EIF2D: variants seen among roughly 807,000 people sequenced by gnomAD.
The protein encoded by EIF2D is hepatocellular carcinoma-associated antigen 56.
A neutral mutation model predicts 77.4 loss-of-function variants in EIF2D; 56 were observed. The ratio of observed to expected loss-of-function variants is 0.72; its 90% CI spans 0.58 to 0.90. The LOEUF (loss-of-function observed/expected upper bound fraction) is 0.90, where lower values mean the gene tolerates loss of function less well. Ranked by LOEUF, EIF2D falls within the 40% of genes least tolerant of loss-of-function variation. The pLI is 0.00. For missense variants in EIF2D, 574 were observed against 706.5 expected (o/e 0.81, Z 2.13); for synonymous variants, 230 against 271.0 (o/e 0.85, Z 1.49).
At position 206,599,016 on chromosome 1, in the gene EIF2D, C is replaced by T. The variant is rs1669788830; in HGVS notation, c.1279G>A (p.Ala427Thr). 1 of 1,614,150 alleles carries T rather than the reference C, an allele frequency of 6.2e-7. No individual in the cohort carries two copies. The highest frequency in any genetic ancestry group is 8.5e-7 in the Non-Finnish European group (1 of 1,179,998). Residue 427 changes from alanine (A) to threonine (T), a missense_variant, in exon 11 of 15, where the codon GCA becomes ACA. Ala to Thr is a moderately conservative substitution (Grantham distance 58). Transcript: ENST00000271764. The surrounding 1 kb of genome is among the most constrained non-coding windows in gnomAD (Gnocchi z 4.1). ...TCATGCACTCACTTTTTGTTGTCTG[C>T]ATCAACCAGGTCATTTTTCTTGGCG... Reference protein sequence around the residue: ...NYAKKNDLVDADNKNLVRLDP... With the variant: ...NYAKKNDLVDTDNKNLVRLDP...
At chr1:206,605,947 T>C (rs1287922289) in intron 4 of EIF2D, among the ~76,000 whole-genome samples, 4 of 152,132 alleles carry the variant, frequency 2.6e-5, no homozygotes, top group Non-Finnish European at 5.9e-5. Flanking sequence ...AGGGATGCCA[T>C]AGGGAAGAGA....
chr1:206,608,195 A>C, intron 4 of EIF2D, 41 bp downstream of exon 4: 1 of 1,576,800 alleles, frequency 6.3e-7, no homozygotes, highest in East Asian at 2.3e-5. Context: ...TCTCTTTTAC[A>C]CAAGTTTTTC....
intron 2 of EIF2D, chr1:206,586,051 T>G (rs1669098370): frequency 6.6e-6 from 1 of 152,286 alleles, no homozygotes; most frequent in Admixed American, 6.5e-5. Flanking sequence ...CACTTTGAAG[T>G]GTGGAGACCT....
At chr1:206,576,511 G>A (rs1179574141) in intron 4 of EIF2D, among the ~76,000 whole-genome samples, 1 of 152,192 alleles carries the variant, frequency 6.6e-6, no homozygotes, top group Non-Finnish European at 1.5e-5. Flanking sequence ...AAGTTACAAA[G>A]GCCCATTAAC....
rs1553411828 is a variant in EIF2D, at chr1:206,603,180, T to A, written c.555A>T (p.Pro185=). The change falls in exon 6 of 15, where the codon CCA becomes CCT. Residue 185 remains proline (P), a synonymous_variant. Coordinates refer to ENST00000271764, the MANE Select transcript of EIF2D (RefSeq NM_006893.3). ...CCAGGGCCAGTGGAGCAATGGAAGG[T>A]GGAGAGGACTTGTTTCCAGACCGCC... ...HLWRSGNKSS[P]PSIAPLALDS... is the part of the protein sequence containing the mutation. 6.2e-7 allele frequency: 1 copy of A among 1,613,842 alleles called. No individual in the cohort carries two copies.
At chr1:206,577,542 C>T (rs1308031419) in intron 4 of EIF2D, among the ~76,000 whole-genome samples, 4 of 152,214 alleles carry the variant, frequency 2.6e-5, no homozygotes, top group Non-Finnish European at 5.9e-5. Context: ...ATCTGACTTT[C>T]TCAAGATCAT....
At position 206,591,648 on chromosome 1, in the gene EIF2D, T is replaced by A; in HGVS notation, c.*127A>T. The A allele has an allele frequency of 1.1e-6, 1 of 876,804 alleles. No homozygotes were observed. Among genetic ancestry groups the A allele is most frequent in the Non-Finnish European group, 1.8e-6 (1 of 561,084 alleles). 54.3% of individuals were successfully genotyped at this position (876,804 alleles called of 1,614,324 possible). A position where few individuals can be genotyped will look rare whatever the true frequency, so the allele number is the denominator to read the frequency against. ...AAACAAGAGGGAAGTCAGATTTAGA[T>A]TAGAATAAAAATTTATTTTTGTAAA... On this transcript the variant is annotated 3_prime_UTR_variant, in exon 15 of 15. Transcript: ENST00000271764.
intron 5 of EIF2D, chr1:206,571,585 G>GTA (rs1558517459): frequency 6.6e-6 from 1 of 152,134 alleles, no homozygotes; most frequent in Admixed American, 6.5e-5. Context: ...TAACACTAAC[G>GTA]TACAGAGAGT....
chr1:206,593,068 G>A (rs1323662711), intron 14 of EIF2D, among the ~76,000 whole-genome samples: 2 of 151,330 alleles, frequency 1.3e-5, no homozygotes, highest in African/African-American at 2.4e-5. Flanking sequence ...CCAAGATTGC[G>A]CCACTGCACT....
At chr1:206,597,269 T>G in intron 11 of EIF2D, 74 bp from the exon 12 acceptor site, 5 of 1,122,060 alleles carry the variant, frequency 4.5e-6, no homozygotes, top group Non-Finnish European at 6.7e-6. Context: ...TCAGGATTCA[T>G]CTCTCGTACG....
chr1:206,599,143 A>G lies in EIF2D; in HGVS notation c.1203-51T>C, dbSNP rs782318000. 6.4e-7 allele frequency: 1 copy of G among 1,553,040 alleles called. No homozygotes were observed. The highest frequency in any genetic ancestry group is 1.4e-5 in the African/African-American group (1 of 73,640). On this transcript the variant is annotated intron_variant, in intron 10 of 14. Coordinates refer to ENST00000271764, the MANE Select transcript of EIF2D (RefSeq NM_006893.3). This position sits in a 1 kb window ranked among gnomAD's most constrained non-coding sequence, Gnocchi z 4.1. ...GTTAGTTCATGCTGTGCCATGAGAC[A>G]AAAATGCAGATGCCCAGACTCACTC...
chr1:206,598,624 TG>T (rs1421001793), intron 11 of EIF2D, among the ~76,000 whole-genome samples: 2 of 86,062 alleles, frequency 2.3e-5, no homozygotes, highest in African/African-American at 1.2e-4. Flanking sequence ...ACTCTGTGCA[TG>T]TAACAAAATA....
chr1:206,585,288 A>C lies in EIF2D; in HGVS notation c.139-4126T>G, dbSNP rs1253444123. ...GTGCTAAAGGAGAATGAAACTGGAG[A>C]GGTAGAGGTAGGTCTGGACCCATTG... On this transcript the variant is annotated intron_variant and NMD_transcript_variant, in intron 2 of 5. Coordinates refer to the EIF2D transcript ENST00000472709. 8.1e-6 allele frequency: 13 copies of C among 1,613,264 alleles called. No individual in the cohort carries two copies. The highest frequency in any genetic ancestry group is 1.6e-4 in the Middle Eastern group (1 of 6,062).
chr1:206,571,001 A>G (rs1668433376), downstream of EIF2D, among the ~76,000 whole-genome samples: 1 of 152,094 alleles, frequency 6.6e-6, no homozygotes, highest in South Asian at 2.1e-4. Flanking sequence ...ATTTTTGAGG[A>G]TCACCATACC....
Position 206,599,531 on chromosome 1 carries a change from A to G in EIF2D, c.1134T>C (p.Pro378=). The change falls in exon 10 of 15, where the codon CCT becomes CCC. Residue 378 remains proline (P), a synonymous_variant. Transcript: ENST00000271764. This position sits in a 1 kb window ranked among gnomAD's most constrained non-coding sequence, Gnocchi z 4.1. ...CACAGTAGAGGGGTTTTATATCTGG[A>G]GGGTGATAGGGCTGTTCCCTGCTAC... is the stretch of plus-strand genomic sequence containing the variant. ...QEGSREQPYH[P]PDIKPLYCVP... 1 of 1,612,852 alleles carries G rather than the reference A, an allele frequency of 6.2e-7. No individual in the cohort carries two copies. The highest frequency in any genetic ancestry group is 1.1e-5 in the South Asian group (1 of 90,922).
downstream of EIF2D, among the ~76,000 whole-genome samples, chr1:206,590,593 G>GAGAT (rs568708624): frequency 1.1e-3 from 166 of 152,172 alleles, no homozygotes; most frequent in Non-Finnish European, 2.0e-3. Context: ...CATGCCGGTA[G>GAGAT]AGATAGGATT....
In EIF2D at chr1:206,599,518, G is replaced by C; in HGVS notation, c.1147C>G (p.Pro383Ala). 1 of 1,613,504 alleles carries C rather than the reference G, an allele frequency of 6.2e-7. No homozygotes were observed. Residue 383 changes from proline (P) to alanine (A), a missense_variant, in exon 10 of 15, where the codon CCC becomes GCC. Transcript: ENST00000271764. This position sits in a 1 kb window ranked among gnomAD's most constrained non-coding sequence, Gnocchi z 4.1. ...EQPYHPPDIK[P>A]LYCVPASMTL... ...ATGCTGGCTGGGACACAGTAGAGGG[G>C]TTTTATATCTGGAGGGTGATAGGGC...
rs782385201 is a variant in EIF2D, at chr1:206,602,327, T to G, written c.902+9A>C. 5.6e-6 allele frequency: 9 copies of G among 1,613,410 alleles called. No homozygotes were observed. The highest frequency in any genetic ancestry group is 1.3e-5 in the African/African-American group (1 of 75,048). On this transcript the variant is annotated intron_variant, in intron 7 of 14. Transcript: ENST00000271764. The stretch of plus-strand genomic sequence containing the variant: ...CCCGGCCTCCAGCCCACATCAGTGC[T>G]TTCCATACCAGCAGGAGAACATGTG...
rs17012161 is a variant in EIF2D at position 206,579,816 on chromosome 1, T to C, written c.*254+876A>G. ...ACTGGTCTGGATTATACGCCATCTC[T>C]TGGGTGGAAAAAGGATCCGTGAGCC... is the stretch of plus-strand genomic sequence containing the variant. On this transcript the variant is annotated intron_variant and NMD_transcript_variant, in intron 4 of 5. Transcript: ENST00000472709. This position sits in a 1 kb window ranked among gnomAD's most constrained non-coding sequence, Gnocchi z 4.2. Among the ~76,000 whole-genome samples the C allele has an allele frequency of 0.015, 2,283 of 152,328 alleles. 62 individuals are homozygous for C. Among genetic ancestry groups the C allele is most frequent in the African/African-American group, 0.052 (2,168 of 41,562 alleles).
Sources: allele counts gnomAD v4.1 joint callset (sites outside exome capture counted in the v4.1 genomes callset), GRCh38; gene constraint gnomAD v4.1.1; non-coding constraint Gnocchi (gnomAD v3.1); transcripts MANE v1.5; gene names NCBI Gene and HGNC (gene_info 2026-07-23, HGNC 2026-07-21).